Variants in GSAP observed in about 807,000 individuals in gnomAD.
GSAP encodes gamma-secretase activating protein.
Under a neutral mutation model 131.7 loss-of-function variants are expected in GSAP, and 118 were observed. The observed-to-expected ratio is 0.90, with a 90% CI of 0.77 to 1.04. The LOEUF (loss-of-function observed/expected upper bound fraction) is 1.04, where lower values mean the gene tolerates loss of function less well. Ranked by LOEUF, GSAP falls within the 50% of genes least tolerant of loss-of-function variation. GSAP has a pLI of 0.00. For synonymous variants in GSAP, 381 were observed against 363.4 expected (o/e 1.05, Z -0.55); for missense variants, 1,019 against 1,013.2 (o/e 1.01, Z -0.08).
chr7:77,338,057 T>C (rs981745450), intron 19 of GSAP, among the ~76,000 whole-genome samples: 2 of 152,016 alleles, frequency 1.3e-5, no homozygotes, highest in Admixed American at 6.6e-5. Flanking sequence ...CCCAACTACT[T>C]GGGAGTCTAA....
Position 77,355,419 on chromosome 7 carries a change from T to C in GSAP, c.1132A>G (p.Met378Val). 6.4e-7 allele frequency: 1 copy of C among 1,571,570 alleles called. No individual in the cohort carries two copies. ...GGGCAATGAGGTAGCATATCAATCA[T>C]TTCATTATTTCCTGGCAAAAAAAAA... ...HNLFLTGNNE[M>V]IDMLPHCPLQ... Residue 378 changes from methionine (M) to valine (V), a missense_variant, in exon 16 of 31, where the codon ATG becomes GTG. Coordinates refer to ENST00000257626, the MANE Select transcript of GSAP (RefSeq NM_017439.4).
intron 8 of GSAP, 43 bp from the exon 9 acceptor site, chr7:77,377,433 CT>C: frequency 7.6e-7 from 1 of 1,315,158 alleles, no homozygotes; most frequent in Non-Finnish European, 9.9e-7. Flanking sequence ...GTATGAATAA[CT>C]TTTAAAGGAG....
intron 7 of GSAP, among the ~76,000 whole-genome samples, chr7:77,381,817 C>T (rs1191659631): frequency 6.6e-6 from 1 of 151,886 alleles, no homozygotes; most frequent in African/African-American, 2.4e-5. Flanking sequence ...AGGTCAATTT[C>T]ATGTGAACAA....
At chr7:77,382,722 G>GT in intron 6 of GSAP, 79 bp from the exon 7 acceptor site, 1 of 768,086 alleles carries the variant, frequency 1.3e-6, no homozygotes. Context: ...TTTGATGACT[G>GT]TACTATTACA....
At chr7:77,357,460 A>G (rs532636665) in intron 14 of GSAP, among the ~76,000 whole-genome samples, 1 of 152,224 alleles carries the variant, frequency 6.6e-6, no homozygotes, top group South Asian at 2.1e-4. Context: ...TAGAGAAGAG[A>G]AGACGACCAT....
chr7:77,358,162 A>G (rs60360262), intron 14 of GSAP, among the ~76,000 whole-genome samples: 36,178 of 152,030 alleles, frequency 0.24, 5,580 homozygotes, highest in African/African-American at 0.44. Context: ...GCAGCATGAC[A>G]AAACCCCATC....
intron 19 of GSAP, among the ~76,000 whole-genome samples, chr7:77,347,959 C>T (rs554350562): frequency 6.7e-6 from 1 of 149,670 alleles, no homozygotes; most frequent in Non-Finnish European, 1.5e-5. Flanking sequence ...TGAGATCATC[C>T]TGGCAACATA....
intron 6 of GSAP, among the ~76,000 whole-genome samples, chr7:77,385,125 C>A (rs757873925): frequency 1.3e-5 from 2 of 151,828 alleles, no homozygotes; most frequent in East Asian, 3.9e-4. Flanking sequence ...CCTCTGCCTC[C>A]CAGGTTCAAG....
intron 26 of GSAP, among the ~76,000 whole-genome samples, chr7:77,318,617 C>T (rs1254269382): frequency 2.0e-5 from 3 of 152,058 alleles, no homozygotes; most frequent in African/African-American, 4.8e-5. Context: ...GGGAAAGGAT[C>T]GTGTATCTCT....
chr7:77,325,923 T>C (rs1238505616), intron 23 of GSAP, among the ~76,000 whole-genome samples: 1 of 152,174 alleles, frequency 6.6e-6, no homozygotes, highest in Non-Finnish European at 1.5e-5. Flanking sequence ...ATGCAGCTCT[T>C]TCCTTTTTTA....
At chr7:77,362,682 G>A (rs928776186) in intron 12 of GSAP, 22 bp from the exon 13 acceptor site, 12 of 1,392,814 alleles carry the variant, frequency 8.6e-6, no homozygotes, top group African/African-American at 4.3e-5. Context: ...AGGATATTTA[G>A]TAGAGTTTAA....
intron 19 of GSAP, among the ~76,000 whole-genome samples, chr7:77,333,939 G>C (rs1441533501): frequency 6.6e-6 from 1 of 152,162 alleles, no homozygotes; most frequent in Non-Finnish European, 1.5e-5. Context: ...TGAGGCTGTG[G>C]AGAAATAGAA....
chr7:77,416,505 G>A (rs530227329), upstream of GSAP: 1 of 410,868 alleles, frequency 2.4e-6, no homozygotes, highest in Non-Finnish European at 4.3e-6. Flanking sequence ...CCCGGCCGGC[G>A]GCCCGCACCT....
chr7:77,335,256 C>G lies in GSAP; in HGVS notation c.1546-4889G>C, dbSNP rs1022709630. Among the ~76,000 whole-genome samples the G allele has an allele frequency of 8.5e-5, 13 of 152,100 alleles. No homozygotes were observed. In the East Asian group the frequency reaches 2.3e-3, roughly 27 times the overall value. ...CTCTATTAAAAATGCAAAAAATTAG[C>G]CCGGCATGGTGGTGTGTGCCTGTAG... is the stretch of plus-strand genomic sequence containing the variant. On this transcript the variant is annotated intron_variant, in intron 19 of 30. Transcript: ENST00000257626.
intron 14 of GSAP, among the ~76,000 whole-genome samples, chr7:77,360,069 A>C (rs1228797817): frequency 1.3e-5 from 2 of 152,072 alleles, no homozygotes; most frequent in African/African-American, 4.8e-5. Flanking sequence ...CTCACATTGC[A>C]CTCTCTCAAA....
At chr7:77,406,856 G>A (rs980933504) in intron 1 of GSAP, among the ~76,000 whole-genome samples, 11 of 152,202 alleles carry the variant, frequency 7.2e-5, no homozygotes, top group Non-Finnish European at 1.6e-4. Context: ...TATTTCACTG[G>A]AGTAGAGAAA....
intron 1 of GSAP, among the ~76,000 whole-genome samples, chr7:77,406,805 G>A (rs959165304): frequency 6.6e-6 from 1 of 152,200 alleles, no homozygotes; most frequent in Admixed American, 6.5e-5. Flanking sequence ...GGATACAGGA[G>A]CCGAGGGTAG....
chr7:77,312,748 T>G (rs1477020621), intron 28 of GSAP, among the ~76,000 whole-genome samples: 1 of 152,182 alleles, frequency 6.6e-6, no homozygotes, highest in African/African-American at 2.4e-5. Flanking sequence ...GCAGGGCGAT[T>G]AGGTCCAGAA....
At chr7:77,415,014 C>T (rs935328043) in intron 1 of GSAP, among the ~76,000 whole-genome samples, 3 of 151,940 alleles carry the variant, frequency 2.0e-5, no homozygotes, top group Non-Finnish European at 2.9e-5. Flanking sequence ...CGTGTCACCA[C>T]GCCCAGCTAA....
Sources: allele counts gnomAD v4.1 joint callset (sites outside exome capture counted in the v4.1 genomes callset), GRCh38; gene constraint gnomAD v4.1.1; transcripts MANE v1.5; gene names NCBI Gene and HGNC (gene_info 2026-07-23, HGNC 2026-07-21).